Variants in ZFHX3 observed in about 807,000 individuals in gnomAD.
ZFHX3 encodes the protein zinc finger homeobox 3.
Under a neutral mutation model 279.1 loss-of-function variants are expected in ZFHX3, and 42 were observed. That is an observed-to-expected ratio of 0.15 (90% CI 0.12 to 0.19). ZFHX3 has a LOEUF of 0.19. Ranked by LOEUF, ZFHX3 falls within the 10% of genes least tolerant of loss-of-function variation. The pLI is 1.00. For synonymous variants in ZFHX3, 2,293 were observed against 1,957.8 expected, an observed-to-expected ratio of 1.17 and a Z score of -4.52; for missense variants, 4,981 against 4,754.0, an observed-to-expected ratio of 1.05 and a Z score of -1.40.
At chr16:73,662,057 C>A (rs1050749979) in intron 2 of ZFHX3, among the ~76,000 whole-genome samples, 2 of 148,386 alleles carry the variant, frequency 1.3e-5, no homozygotes, top group African/African-American at 2.5e-5. Context: ...TCAGGGTTGC[C>A]AAGCCAGGCT....
At chr16:73,160,791 T>A (rs554704402) in intron 5 of ZFHX3, among the ~76,000 whole-genome samples, 1,596 of 150,884 alleles carry the variant, frequency 0.011, 16 homozygotes, top group Middle Eastern at 0.028. Context: ...TTTTTTTTTT[T>A]AGACAGGATT....
chr16:73,732,945 GA>G, intron 1 of ZFHX3, among the ~76,000 whole-genome samples: 1 of 152,316 alleles, frequency 6.6e-6, no homozygotes, highest in African/African-American at 2.4e-5. Flanking sequence ...GGATCATATA[GA>G]AAGAAGTCTG....
intron 3 of ZFHX3, among the ~76,000 whole-genome samples, chr16:73,329,880 G>C (rs2015766808): frequency 6.6e-6 from 1 of 152,216 alleles, no homozygotes; most frequent in Non-Finnish European, 1.5e-5. Context: ...ACTGCTTGCA[G>C]TTTATTACAG....
At chr16:73,116,719 A>G (rs547505797) in intron 7 of ZFHX3, among the ~76,000 whole-genome samples, 1 of 152,300 alleles carries the variant, frequency 6.6e-6, no homozygotes, top group East Asian at 1.9e-4. Flanking sequence ...GTTGGCTAAG[A>G]GAGGTTCTTT....
chr16:73,786,615 A>G (rs1339201725), intron 1 of ZFHX3, among the ~76,000 whole-genome samples: 1 of 152,156 alleles, frequency 6.6e-6, no homozygotes, highest in South Asian at 2.1e-4. Flanking sequence ...AGGGGGGGCC[A>G]AAGAGGTCTC....
Position 73,663,449 on chromosome 16 carries a change from A to G in ZFHX3, c.-1547+16731T>C, listed in dbSNP as rs577044665. On this transcript the variant is annotated intron_variant, in intron 2 of 17. Transcript: ENST00000641206. ...ACAATGAATGGCACAGTTCATGTGGAGCACAAAGATCTAGTTTCCAGTTCC... is the reference window on the plus strand; with the variant it reads ...ACAATGAATGGCACAGTTCATGTGGGGCACAAAGATCTAGTTTCCAGTTCC... Among the ~76,000 whole-genome samples the G allele has an allele frequency of 1.2e-4, 18 of 152,336 alleles. 1 individual carries two copies. Among genetic ancestry groups the G allele is most frequent in the Admixed American group, 1.2e-3 (18 of 15,296 alleles).
chr16:73,276,173 CTTTCT>C (rs2014295472), intron 4 of ZFHX3, among the ~76,000 whole-genome samples: 1 of 140,768 alleles, frequency 7.1e-6, no homozygotes, highest in African/African-American at 2.8e-5. Context: ...CTTCCTTTTT[CTTTCT>C]TTTTTTTTTT....
intron 7 of ZFHX3, among the ~76,000 whole-genome samples, chr16:72,804,139 A>G (rs2266935): frequency 0.033 from 5,099 of 152,332 alleles, 622 homozygotes; most frequent in East Asian, 0.28. Context: ...TAATTTTCAT[A>G]TATAATAGAA....
rs1021727890 is a variant in ZFHX3 at position 72,785,404 on chromosome 16, T to TGAA, written c.*1757_*1759dup. 4 of 152,638 alleles carry TGAA rather than the reference T, an allele frequency of 2.6e-5. No individual in the cohort carries two copies. The highest frequency in any genetic ancestry group is 9.6e-5 in the African/African-American group (4 of 41,452). 9.5% of individuals were successfully genotyped at this position (152,638 alleles called of 1,614,324 possible). On this transcript the variant is annotated 3_prime_UTR_variant, in exon 10 of 10. Coordinates refer to ENST00000268489, the MANE Select transcript of ZFHX3 (RefSeq NM_006885.4). Reference sequence around the variant, plus strand: ...ACTGCCTAACACAAGGACAAAACTTTGAAGTAAAAAATGTGTCTTTTGGTA... The same window carrying TGAA: ...ACTGCCTAACACAAGGACAAAACTTTGAAGAAGTAAAAAATGTGTCTTTTGGTA...
intron 1 of ZFHX3, among the ~76,000 whole-genome samples, chr16:73,041,261 T>G (rs1327362953): frequency 2.0e-5 from 3 of 152,130 alleles, no homozygotes; most frequent in Admixed American, 6.5e-5. Context: ...CTGGACAATT[T>G]TTATAGTTTC....
In ZFHX3 at chr16:72,787,757, C is replaced by G. The variant is rs201978300; in HGVS notation, c.10519G>C (p.Gly3507Arg). The G allele has an allele frequency of 2.4e-3, 3,355 of 1,424,488 alleles. 37 individuals are homozygous for G. The highest frequency in any genetic ancestry group is 1.5e-3 in the Non-Finnish European group (1,579 of 1,087,114). The allele number at this position is 1,424,488 out of a possible 1,614,324, so 88.2% of individuals were successfully genotyped here. The change falls in exon 10 of 10, where the codon GGC becomes CGC. Residue 3507 changes from glycine to arginine, a missense_variant. Physicochemically the swap from Gly to Arg is moderately radical, Grantham distance 125. This residue lies in a region of ZFHX3 where 1,034 missense variants were observed against 786.0 expected (regional missense o/e 1.32). Coordinates refer to ENST00000268489, the MANE Select transcript of ZFHX3 (RefSeq NM_006885.4). ...LQEMVLHVPTGGGGGGSGGGG... is the reference protein window; with the variant it reads ...LQEMVLHVPTRGGGGGSGGGG... ...CCGCCACTGCCACCGCCGCCGCCGC[C>G]GGTGGGGACGTGAAGCACCATCTCT...
intron 8 of ZFHX3, among the ~76,000 whole-genome samples, chr16:73,091,152 A>T (rs1387915097): frequency 6.6e-6 from 1 of 151,170 alleles, no homozygotes; most frequent in East Asian, 1.9e-4. Flanking sequence ...TGGGGCTTGC[A>T]GTGAGTGGAG....
chr16:73,015,688 C>T (rs1469690915), intron 1 of ZFHX3: 1 of 152,208 alleles, frequency 6.6e-6, no homozygotes, highest in Non-Finnish European at 1.5e-5. Flanking sequence ...GCCTGAAGAA[C>T]TGGAAAGCCA....
intron 1 of ZFHX3, among the ~76,000 whole-genome samples, chr16:73,835,028 G>A (rs1597136438): frequency 6.6e-6 from 1 of 152,346 alleles, no homozygotes; most frequent in South Asian, 2.1e-4. Flanking sequence ...GGAGGAAGGT[G>A]GCCCTCGGAA....
chr16:73,026,689 A>AAAAAAAAAAAAAAAAAAC (rs1555543115), intron 1 of ZFHX3, among the ~76,000 whole-genome samples: 1 of 150,724 alleles, frequency 6.6e-6, no homozygotes, highest in African/African-American at 2.5e-5. Context: ...AAAAAAAAAA[A>AAAAAAAAAAAAAAAAAAC]AAAAAACACA....
chr16:73,048,877 GAAGAA>G (rs1337861444), upstream of ZFHX3, among the ~76,000 whole-genome samples: 1 of 152,204 alleles, frequency 6.6e-6, no homozygotes, highest in Non-Finnish European at 1.5e-5. Context: ...AGAAAGATAG[GAAGAA>G]AAGAAGTGGG....
chr16:72,993,059 C>A (rs1480442695), intron 1 of ZFHX3, among the ~76,000 whole-genome samples: 1 of 152,234 alleles, frequency 6.6e-6, no homozygotes, highest in African/African-American at 2.4e-5. Flanking sequence ...TCGCTTGAAC[C>A]TGGGAGGTGG....
chr16:73,384,317 C>T (rs1353963730), intron 3 of ZFHX3, among the ~76,000 whole-genome samples: 1 of 152,196 alleles, frequency 6.6e-6, no homozygotes, highest in African/African-American at 2.4e-5. Context: ...GCTGCAAAGC[C>T]TGAAATATTT....
At chr16:73,480,919 C>T (rs746859119) in intron 2 of ZFHX3, among the ~76,000 whole-genome samples, 1 of 152,198 alleles carries the variant, frequency 6.6e-6, no homozygotes, top group Non-Finnish European at 1.5e-5. Context: ...ATTAATCACC[C>T]AACAGAATGT....
Sources: gnomAD v4.1 joint callset for allele counts (sites outside exome capture counted in the v4.1 genomes callset) on GRCh38, gnomAD v4.1.1 for gene constraint, gnomAD v4.1.1 regional missense constraint, MANE v1.5 for transcripts, NCBI Gene and HGNC (gene_info 2026-07-23, HGNC 2026-07-21) for gene names.